The following EVI5 variants were observed in gnomAD, a reference collection of about 807,000 sequenced individuals.
EVI5 encodes ecotropic viral integration site 5, also known as ecotropic viral integration site 5 protein homolog.
EVI5 carries 73 observed loss-of-function variants against 112.0 expected under a neutral mutation model. The observed-to-expected ratio is 0.65, with a 90% CI of 0.54 to 0.79. The LOEUF is 0.79. Ranked by LOEUF, EVI5 falls within the 30% of genes least tolerant of loss-of-function variation. The pLI is 0.00. For synonymous variants in EVI5, 305 were observed against 319.9 expected (o/e 0.95, Z 0.50); for missense variants, 900 against 968.8 (o/e 0.93, Z 0.94).
intron 1 of EVI5, chr1:92,756,163 G>T (rs1197609632): frequency 2.6e-6 from 1 of 389,214 alleles, no homozygotes; most frequent in Non-Finnish European, 5.3e-6. Flanking sequence ...TATGAATGTA[G>T]TATTAACAAA....
intron 1 of EVI5, among the ~76,000 whole-genome samples, chr1:92,779,568 A>G (rs1406361181): frequency 6.6e-6 from 1 of 152,032 alleles, no homozygotes; most frequent in East Asian, 1.9e-4. Context: ...ATTCTCAGAG[A>G]GATAAGAACA....
intron 1 of EVI5, among the ~76,000 whole-genome samples, chr1:92,748,845 T>C (rs1040220798): frequency 2.0e-5 from 3 of 152,136 alleles, no homozygotes; most frequent in African/African-American, 7.2e-5. Flanking sequence ...TGCGGGCAGA[T>C]CACCTGAGGT....
intron 18 of EVI5, among the ~76,000 whole-genome samples, chr1:92,590,374 T>C (rs550502902): frequency 3.3e-5 from 5 of 152,170 alleles, no homozygotes; most frequent in South Asian, 2.1e-4. Context: ...TGAAAAAAGA[T>C]TGGACAAATG....
chr1:92,659,635 T>C (rs1318335796), intron 13 of EVI5, among the ~76,000 whole-genome samples: 1 of 152,154 alleles, frequency 6.6e-6, no homozygotes, highest in African/African-American at 2.4e-5. Context: ...TATACACTAC[T>C]GGTGGGAATG....
At chr1:92,616,567 AT>A (rs1322381196) in intron 16 of EVI5, among the ~76,000 whole-genome samples, 2 of 152,152 alleles carry the variant, frequency 1.3e-5, no homozygotes, top group African/African-American at 4.8e-5. Context: ...TACTTAATTT[AT>A]ACAAGCAGAA....
chr1:92,754,885 T>A lies in EVI5; in HGVS notation c.-81-18258A>T, dbSNP rs140237905. Among the ~76,000 whole-genome samples the A allele has an allele frequency of 1.2e-4, 19 of 152,290 alleles. 1 individual carries two copies. In the East Asian group the frequency reaches 3.5e-3, roughly 28 times the overall value. On this transcript the variant is annotated intron_variant, in intron 1 of 19. Coordinates refer to ENST00000684568, the MANE Select transcript of EVI5 (RefSeq NM_001350197.2). Reference sequence around the variant, plus strand: ...GCCATCCTGGAGGCTAATGACCTCATGTGACATATTATGTTCAACACACAA... The same window carrying A: ...GCCATCCTGGAGGCTAATGACCTCAAGTGACATATTATGTTCAACACACAA...
At position 92,682,090 on chromosome 1, in the gene EVI5, G is replaced by C. The variant is rs897798059; in HGVS notation, c.1098-4872C>G. 2.0e-5 allele frequency among the ~76,000 whole-genome samples: 3 copies of C among 152,104 alleles called. No homozygotes were observed. The East Asian group carries it at 5.8e-4, about 29-fold the overall frequency. On this transcript the variant is annotated intron_variant, in intron 9 of 19. Coordinates refer to ENST00000684568, the MANE Select transcript of EVI5 (RefSeq NM_001350197.2). Reference sequence around the variant, plus strand: ...GCCTCTCCAAGTGCTGGGATTATAGGTGTGAGCCACTGTGCCCGGCCTCTC... The same window carrying C: ...GCCTCTCCAAGTGCTGGGATTATAGCTGTGAGCCACTGTGCCCGGCCTCTC...
At chr1:92,722,217 T>C (rs1674861945) in intron 2 of EVI5, among the ~76,000 whole-genome samples, 1 of 152,152 alleles carries the variant, frequency 6.6e-6, no homozygotes, top group Non-Finnish European at 1.5e-5. Context: ...TAATATACTG[T>C]TATTAACAAT....
intron 1 of EVI5, among the ~76,000 whole-genome samples, chr1:92,758,204 T>C (rs980633310): frequency 6.6e-6 from 1 of 152,138 alleles, no homozygotes; most frequent in African/African-American, 2.4e-5. Context: ...GAAAGAAAAC[T>C]TTGCTACTTT....
intron 14 of EVI5, among the ~76,000 whole-genome samples, chr1:92,633,035 GAC>G (rs1657557722): frequency 1.3e-5 from 2 of 152,234 alleles, no homozygotes; most frequent in African/African-American, 4.8e-5. Context: ...TGTGGTTTGA[GAC>G]ACAGTTTGTT....
At chr1:92,784,369 C>T (rs1003856450) in intron 1 of EVI5, 16 of 985,248 alleles carry the variant, frequency 1.6e-5, no homozygotes, top group African/African-American at 3.5e-5. Context: ...TGCCCATCAG[C>T]AGCCTGGAGA....
intron 16 of EVI5, among the ~76,000 whole-genome samples, chr1:92,621,793 A>C (rs1303207457): frequency 6.6e-6 from 1 of 152,224 alleles, no homozygotes; most frequent in African/African-American, 2.4e-5. Flanking sequence ...AACTGAAATT[A>C]AGATGGGAAA....
intron 19 of EVI5, among the ~76,000 whole-genome samples, chr1:92,522,490 G>T (rs1467660803): frequency 6.6e-6 from 1 of 151,876 alleles, no homozygotes; most frequent in African/African-American, 2.4e-5. Flanking sequence ...ACAAAAATCA[G>T]CCGGGTGTGG....
intron 2 of EVI5, among the ~76,000 whole-genome samples, chr1:92,719,734 T>C (rs1206725074): frequency 6.6e-6 from 1 of 151,968 alleles, no homozygotes; most frequent in Admixed American, 6.6e-5. Context: ...GGATATTCAA[T>C]TAGGAAAAGA....
chr1:92,654,723 T>G (rs1662721530), intron 13 of EVI5, among the ~76,000 whole-genome samples: 1 of 152,062 alleles, frequency 6.6e-6, no homozygotes, highest in Admixed American at 6.6e-5. Flanking sequence ...AAATACTGAT[T>G]TCCAAGAAGC....
rs1034453869 is a variant in EVI5 at position 92,636,419 on chromosome 1, G to A, written c.1393-83C>T. On this transcript the variant is annotated intron_variant, in intron 13 of 19. Coordinates refer to ENST00000684568, the MANE Select transcript of EVI5 (RefSeq NM_001350197.2). Reference sequence around the variant, plus strand: ...AAAAACAATGCAACCACATAATACAGTTATATTACATTAAGGGCAACTAAA... The same window carrying A: ...AAAAACAATGCAACCACATAATACAATTATATTACATTAAGGGCAACTAAA... 1.0e-5 allele frequency: 12 copies of A among 1,147,896 alleles called. No homozygotes were observed. In the Admixed American group the frequency reaches 2.5e-4, roughly 23 times the overall value. 71.1% of individuals were successfully genotyped at this position (1,147,896 alleles called of 1,614,324 possible). A position where few individuals can be genotyped will look rare whatever the true frequency, so the allele number is the denominator to read the frequency against.
chr1:92,727,478 C>A (rs1446283287), intron 2 of EVI5, among the ~76,000 whole-genome samples: 1 of 152,086 alleles, frequency 6.6e-6, no homozygotes, highest in Non-Finnish European at 1.5e-5. Context: ...TCAACTAGAT[C>A]TCTTTTCTGT....
At chr1:92,748,584 A>G (rs563957598) in intron 1 of EVI5, among the ~76,000 whole-genome samples, 68 of 152,352 alleles carry the variant, frequency 4.5e-4, no homozygotes, top group Middle Eastern at 3.4e-3. Flanking sequence ...TATCCCACAA[A>G]ACAAAATTAA....
chr1:92,696,932 T>C (rs570941841), intron 6 of EVI5, among the ~76,000 whole-genome samples: 3 of 151,782 alleles, frequency 2.0e-5, no homozygotes, highest in Admixed American at 1.3e-4. Context: ...CCCAGCTACT[T>C]GGGAGACTGA....
Sources: gnomAD v4.1 joint callset for allele counts (sites outside exome capture counted in the v4.1 genomes callset) on GRCh38, gnomAD v4.1.1 for gene constraint, MANE v1.5 for transcripts, NCBI Gene and HGNC (gene_info 2026-07-23, HGNC 2026-07-21) for gene names.